Variants in FGGY observed in about 807,000 individuals in gnomAD.
FGGY encodes FGGY carbohydrate kinase domain-containing protein.
In FGGY, 72 loss-of-function variants were observed where a neutral mutation model predicts 71.3. The observed-to-expected ratio is 1.01, with a 90% CI of 0.84 to 1.23. FGGY has a LOEUF of 1.23. FGGY is among the 50% of genes most tolerant of loss of function. The probability of loss-of-function intolerance (pLI) is 0.00; values close to 1 mark genes in which losing one functional copy is unlikely to be tolerated. For missense variants in FGGY, 668 were observed against 682.3 expected, an observed-to-expected ratio of 0.98 and a Z score of 0.23; for synonymous variants, 251 against 250.3, an observed-to-expected ratio of 1.00 and a Z score of -0.02.
intron 9 of FGGY, among the ~76,000 whole-genome samples, chr1:59,618,339 G>C (rs1049419935): frequency 2.0e-5 from 3 of 152,104 alleles, no homozygotes; most frequent in African/African-American, 7.2e-5. Context: ...TGTTATATTA[G>C]TTTTACTGAT....
intron 1 of FGGY, among the ~76,000 whole-genome samples, chr1:59,314,469 T>C (rs1427589430): frequency 1.3e-5 from 2 of 152,198 alleles, no homozygotes; most frequent in African/African-American, 4.8e-5. Context: ...TTTAAAGGGC[T>C]CTCTGTGCTC....
intron 7 of FGGY, among the ~76,000 whole-genome samples, chr1:59,541,047 TTTTA>T (rs1403868733): frequency 1.3e-5 from 2 of 152,170 alleles, no homozygotes; most frequent in African/African-American, 4.8e-5. Context: ...AAGTAGGCTT[TTTTA>T]TTTGTCTGTT....
intron 5 of FGGY, among the ~76,000 whole-genome samples, chr1:59,394,996 A>ACTG (rs2061158059): frequency 6.6e-6 from 1 of 151,748 alleles, no homozygotes; most frequent in Admixed American, 6.6e-5. Flanking sequence ...CTGCTTGTCA[A>ACTG]CTGCTATTCA....
chr1:59,478,907 A>C (rs1401240014), intron 6 of FGGY, among the ~76,000 whole-genome samples: 1 of 152,198 alleles, frequency 6.6e-6, no homozygotes, highest in East Asian at 1.9e-4. Context: ...AGGATGCTGA[A>C]AAAGGAAGGG....
At chr1:59,321,455 A>C (rs2046366985) in intron 1 of FGGY, 81 bp from the exon 2 acceptor site, 3 of 1,316,316 alleles carry the variant, frequency 2.3e-6, no homozygotes, top group Non-Finnish European at 3.2e-6. Flanking sequence ...TACCTCTTTT[A>C]TTTCTACTTT....
chr1:59,436,489 A>G (rs1028750014), intron 5 of FGGY, among the ~76,000 whole-genome samples: 10 of 152,140 alleles, frequency 6.6e-5, no homozygotes, highest in African/African-American at 2.2e-4. Flanking sequence ...CCCTACAACA[A>G]CAGCATGTTC....
At chr1:59,724,653 G>A (rs80049904) in intron 14 of FGGY, among the ~76,000 whole-genome samples, 5,415 of 151,928 alleles carry the variant, frequency 0.036, 325 homozygotes, top group African/African-American at 0.12. Flanking sequence ...GGCATTGTTC[G>A]TTTTTTTATT....
At chr1:59,464,938 A>C (rs1349611337) in intron 6 of FGGY, among the ~76,000 whole-genome samples, 1 of 150,580 alleles carries the variant, frequency 6.6e-6, no homozygotes. Flanking sequence ...ACTTCTACAA[A>C]GAGGAGCTGC....
chr1:59,704,901 A>G (rs954755770), intron 14 of FGGY, among the ~76,000 whole-genome samples: 2 of 152,210 alleles, frequency 1.3e-5, no homozygotes, highest in Non-Finnish European at 2.9e-5. Context: ...ATTCCTGCCA[A>G]TGATGTCCCT....
At chr1:59,395,769 C>T (rs1174885966) in intron 5 of FGGY, among the ~76,000 whole-genome samples, 1 of 152,114 alleles carries the variant, frequency 6.6e-6, no homozygotes, top group Admixed American at 6.6e-5. Flanking sequence ...TCAAAAGAGG[C>T]TAAGGAACTT....
intron 7 of FGGY, among the ~76,000 whole-genome samples, chr1:59,535,676 T>A (rs967835228): frequency 2.0e-5 from 3 of 150,248 alleles, no homozygotes; most frequent in Non-Finnish European, 4.4e-5. Context: ...GGATTAAGAA[T>A]CTCACTCAAA....
chr1:59,344,227 C>G (rs835355), intron 3 of FGGY, among the ~76,000 whole-genome samples: 3,262 of 150,980 alleles, frequency 0.022, 114 homozygotes, highest in African/African-American at 0.077. Flanking sequence ...TGATATCTTT[C>G]CAGTTAGGCA....
intron 2 of FGGY, among the ~76,000 whole-genome samples, chr1:59,323,346 A>C (rs1253265084): frequency 6.6e-6 from 1 of 152,246 alleles, no homozygotes; most frequent in Non-Finnish European, 1.5e-5. Context: ...GAGCCCTGTT[A>C]GCTGCATAAG....
At chr1:59,545,525 G>C (rs561617132) in intron 7 of FGGY, among the ~76,000 whole-genome samples, 2 of 152,332 alleles carry the variant, frequency 1.3e-5, no homozygotes, top group South Asian at 4.1e-4. Context: ...CTGTGTTGAA[G>C]TTAGGAAGAA....
chr1:59,325,517 A>G (rs968044820), intron 2 of FGGY, among the ~76,000 whole-genome samples: 2 of 152,182 alleles, frequency 1.3e-5, no homozygotes, highest in Non-Finnish European at 2.9e-5. Flanking sequence ...AGAGCCCACC[A>G]TCTTCACCCA....
chr1:59,550,219 G>A (rs1480263918), intron 7 of FGGY, among the ~76,000 whole-genome samples: 1 of 152,278 alleles, frequency 6.6e-6, no homozygotes, highest in East Asian at 1.9e-4. Context: ...GGCTGCACTT[G>A]TGTCAAATTG....
In FGGY at chr1:59,382,498, T is replaced by C. The variant is rs528075228; in HGVS notation, c.554+3661T>C. Among the ~76,000 whole-genome samples the C allele has an allele frequency of 1.1e-4, 17 of 152,270 alleles. No homozygotes were observed. In the East Asian group the frequency reaches 3.1e-3, roughly 28 times the overall value. ...AGGTCCCTGGAGGAGTGTTCTCAAC[T>C]TTACCCTGGAAGGTGTAATTAGTCA... On this transcript the variant is annotated intron_variant, in intron 5 of 15. Coordinates refer to ENST00000303721, the MANE Select transcript of FGGY (RefSeq NM_018291.5).
chr1:59,503,874 AC>A (rs979036366), intron 6 of FGGY, among the ~76,000 whole-genome samples: 3 of 151,478 alleles, frequency 2.0e-5, no homozygotes, highest in African/African-American at 7.3e-5. Context: ...TCTCTCAGTG[AC>A]CCCCTCTGGT....
Position 59,725,637 on chromosome 1 carries a change from G to T in FGGY, c.1513-32294G>T, listed in dbSNP as rs202136552. 8.7e-3 allele frequency among the ~76,000 whole-genome samples: 1,197 copies of T among 136,942 alleles called. 6 individuals carry two copies. The highest frequency in any genetic ancestry group is 0.014 in the Non-Finnish European group (807 of 58,510). 89.8% of individuals were successfully genotyped at this position (136,942 alleles called of 152,430 possible). On this transcript the variant is annotated intron_variant, in intron 14 of 15. Coordinates refer to ENST00000303721, the MANE Select transcript of FGGY (RefSeq NM_018291.5). Reference sequence around the variant, plus strand: ...GGGTTTTTTTTGTTTTTTGTTTTTTGTTTTTTTTGCAGCATGCTATTTTAA... The same window carrying T: ...GGGTTTTTTTTGTTTTTTGTTTTTTTTTTTTTTTGCAGCATGCTATTTTAA...
Sources: gnomAD v4.1 joint callset for allele counts (sites outside exome capture counted in the v4.1 genomes callset) on GRCh38, gnomAD v4.1.1 for gene constraint, MANE v1.5 for transcripts, NCBI Gene and HGNC (gene_info 2026-07-23, HGNC 2026-07-21) for gene names.